The following SLC26A3 variants were observed in gnomAD, a reference collection of about 807,000 sequenced individuals.
SLC26A3 encodes solute carrier family 26 member 3.
SLC26A3 carries 64 observed loss-of-function variants against 85.6 expected under a neutral mutation model. That is an observed-to-expected ratio of 0.75 (90% CI 0.61 to 0.92). The LOEUF (loss-of-function observed/expected upper bound fraction) is 0.92, where lower values mean the gene tolerates loss of function less well. Among genes scored for constraint, SLC26A3 ranks in the 40% least tolerant of loss-of-function variants. SLC26A3 has a pLI of 0.00. For missense variants in SLC26A3, 922 were observed against 927.3 expected, an observed-to-expected ratio of 0.99 and a Z score of 0.07; for synonymous variants, 349 against 336.0, an observed-to-expected ratio of 1.04 and a Z score of -0.42.
At chr7:107,799,395 T>C (rs768595117) in intron 1 of SLC26A3, among the ~76,000 whole-genome samples, 1 of 152,064 alleles carries the variant, frequency 6.6e-6, no homozygotes, top group Non-Finnish European at 1.5e-5. Context: ...TTTTCTTTTC[T>C]TTTTTTGAGA....
chr7:107,800,894 G>T (rs1425164775), intron 1 of SLC26A3, among the ~76,000 whole-genome samples: 3 of 152,160 alleles, frequency 2.0e-5, no homozygotes, highest in Non-Finnish European at 4.4e-5. Flanking sequence ...CAAAGCAGTG[G>T]GCAATAAGCA....
intron 11 of SLC26A3, among the ~76,000 whole-genome samples, chr7:107,782,211 G>A (rs538126584): frequency 6.6e-5 from 10 of 152,200 alleles, no homozygotes; most frequent in African/African-American, 2.4e-4. Flanking sequence ...TGCTTTCCAG[G>A]GTCTGATGGT....
chr7:107,776,606 C>T (rs766746895), intron 14 of SLC26A3, 31 bp downstream of exon 14: 1 of 1,607,518 alleles, frequency 6.2e-7, no homozygotes. Context: ...TATCATTTAG[C>T]AAGTCAAAGA....
intron 9 of SLC26A3, 21 bp downstream of exon 9, chr7:107,783,184 C>G: frequency 1.2e-6 from 2 of 1,614,136 alleles, no homozygotes; most frequent in Non-Finnish European, 1.7e-6. Context: ...CAGTGAGACC[C>G]AGTGTAGTTT....
intron 11 of SLC26A3, 117 bp downstream of exon 11, chr7:107,782,680 A>T: frequency 1.0e-6 from 1 of 954,906 alleles, no homozygotes; most frequent in Non-Finnish European, 1.7e-6. Context: ...TAAGAAGAGT[A>T]CTTGAGAGTT....
chr7:107,778,710 CT>C (rs1398043279), intron 12 of SLC26A3, among the ~76,000 whole-genome samples: 1 of 152,078 alleles, frequency 6.6e-6, no homozygotes, highest in African/African-American at 2.4e-5. Context: ...GCAAATTAGA[CT>C]GGGCGTGAAG....
chr7:107,786,694 G>A (rs1247380175), intron 8 of SLC26A3, 133 bp downstream of exon 8: 4 of 799,510 alleles, frequency 5.0e-6, no homozygotes, highest in Middle Eastern at 2.2e-4. Flanking sequence ...CTTCCTTAGG[G>A]ATGCAGGGTG....
chr7:107,787,776 T>C (rs1255420839), intron 6 of SLC26A3, among the ~76,000 whole-genome samples: 1 of 152,210 alleles, frequency 6.6e-6, no homozygotes, highest in Non-Finnish European at 1.5e-5. Context: ...CTTTGGCTAG[T>C]GTCAAATTTT....
intron 18 of SLC26A3, among the ~76,000 whole-genome samples, chr7:107,770,131 TCTTTCTC>T (rs1303045160): frequency 4.7e-4 from 65 of 137,500 alleles, no homozygotes; most frequent in Non-Finnish European, 9.3e-4. Flanking sequence ...TCTCTTTCTT[TCTTTCTC>T]TCTTTCTTTT....
intron 1 of SLC26A3, among the ~76,000 whole-genome samples, chr7:107,796,412 G>T (rs977267518): frequency 1.1e-4 from 17 of 152,042 alleles, no homozygotes; most frequent in Non-Finnish European, 1.9e-4. Context: ...ATGACATTTA[G>T]ATCCTCCTTT....
At chr7:107,801,986 G>A (rs367844904) in intron 1 of SLC26A3, among the ~76,000 whole-genome samples, 2 of 151,564 alleles carry the variant, frequency 1.3e-5, no homozygotes, top group African/African-American at 2.4e-5. Context: ...CAGCTACTTG[G>A]GGGGCTGAGG....
At chr7:107,790,114 A>G (rs764797815) in intron 5 of SLC26A3, among the ~76,000 whole-genome samples, 2 of 152,206 alleles carry the variant, frequency 1.3e-5, no homozygotes, top group African/African-American at 2.4e-5. Context: ...TGTCTATCCT[A>G]TTTCCTCAAA....
intron 1 of SLC26A3, among the ~76,000 whole-genome samples, chr7:107,796,776 A>C (rs1380656522): frequency 2.4e-5 from 3 of 123,912 alleles, no homozygotes. Flanking sequence ...AACCTAGCCA[A>C]CCTTAGGATG....
chr7:107,801,786 G>C (rs1794601593), intron 1 of SLC26A3, among the ~76,000 whole-genome samples: 1 of 151,896 alleles, frequency 6.6e-6, no homozygotes, highest in Non-Finnish European at 1.5e-5. Flanking sequence ...ATTTTCATTA[G>C]GAATAATCCT....
In SLC26A3 at chr7:107,794,589, T is replaced by G. The variant is rs551025090; in HGVS notation, c.-80A>C. On this transcript the variant is annotated 5_prime_UTR_variant, in exon 2 of 21. Coordinates refer to ENST00000340010, the MANE Select transcript of SLC26A3 (RefSeq NM_000111.3). ...ACACTTCTTCTTGCCTTTAGCAGGTTAAAAATGCCTGAAACCAAACAGAGC... is the reference window on the plus strand; with the variant it reads ...ACACTTCTTCTTGCCTTTAGCAGGTGAAAAATGCCTGAAACCAAACAGAGC... 71 of 1,499,812 alleles carry G rather than the reference T, an allele frequency of 4.7e-5. No homozygotes were observed. The South Asian group carries it at 7.9e-4, about 17-fold the overall frequency. The allele number at this position is 1,499,812 out of a possible 1,614,324, so 92.9% of individuals were successfully genotyped here.
chr7:107,776,361 A>G (rs1794114742), intron 15 of SLC26A3, 91 bp downstream of exon 15: 2 of 1,068,062 alleles, frequency 1.9e-6, no homozygotes, highest in African/African-American at 3.1e-5. Context: ...ATGTGACACA[A>G]CCCAGTCTCA....
intron 5 of SLC26A3, among the ~76,000 whole-genome samples, chr7:107,790,105 G>A (rs1794367552): frequency 6.6e-6 from 1 of 152,220 alleles, no homozygotes; most frequent in African/African-American, 2.4e-5. Context: ...ATGAGCGAGT[G>A]TCTATCCTAT....
At chr7:107,770,538 A>G (rs1389441915) in intron 18 of SLC26A3, among the ~76,000 whole-genome samples, 2 of 151,996 alleles carry the variant, frequency 1.3e-5, no homozygotes, top group South Asian at 4.1e-4. Flanking sequence ...GATTACAGGC[A>G]TGAGCCACCG....
chr7:107,788,070 A>G (rs1338276395), intron 6 of SLC26A3, among the ~76,000 whole-genome samples: 1 of 152,124 alleles, frequency 6.6e-6, no homozygotes, highest in African/African-American at 2.4e-5. Flanking sequence ...ATATCCACTT[A>G]CCCCAAAAAG....
Sources: allele counts gnomAD v4.1 joint callset (sites outside exome capture counted in the v4.1 genomes callset), GRCh38; gene constraint gnomAD v4.1.1; transcripts MANE v1.5; gene names NCBI Gene and HGNC (gene_info 2026-07-23, HGNC 2026-07-21).